The following FMNL3 variants were observed in gnomAD, a reference collection of about 807,000 sequenced individuals.
FMNL3 encodes formin like 3, also known as formin-like protein 3.
A neutral mutation model predicts 119.6 loss-of-function variants in FMNL3; 57 were observed. The ratio of observed to expected loss-of-function variants is 0.48; its 90% CI spans 0.39 to 0.59. FMNL3 has a LOEUF of 0.59. Ranked by LOEUF, FMNL3 falls within the 20% of genes least tolerant of loss-of-function variation. The probability of loss-of-function intolerance (pLI) is 0.00; values close to 1 mark genes in which losing one functional copy is unlikely to be tolerated. For missense variants in FMNL3, 1,053 were observed against 1,323.5 expected (o/e 0.80, Z 3.17); for synonymous variants, 491 against 507.3 (o/e 0.97, Z 0.43).
In FMNL3 at chr12:49,637,119, G is replaced by A; in HGVS notation, c.*8696C>T. The A allele has an allele frequency of 1.7e-6, 1 of 590,310 alleles. No individual in the cohort carries two copies. Among genetic ancestry groups the A allele is most frequent in the South Asian group, 2.2e-5 (1 of 46,080 alleles). 36.6% of individuals were successfully genotyped at this position (590,310 alleles called of 1,614,324 possible). On this transcript the variant is annotated 3_prime_UTR_variant, in exon 26 of 26. Transcript: ENST00000335154. ...AGGCATGACTTGGCAGCTAGGCCAT[G>A]TTTATTTCCCTTGGTGGGGCACCCG...
At chr12:49,694,212 G>A (rs1374802839) in intron 1 of FMNL3, among the ~76,000 whole-genome samples, 3 of 152,058 alleles carry the variant, frequency 2.0e-5, no homozygotes, top group African/African-American at 4.8e-5. Context: ...GAGCCACCAC[G>A]CCCAGCCTAT....
At chr12:49,706,192 G>A (rs908960563) in intron 1 of FMNL3, among the ~76,000 whole-genome samples, 1 of 152,084 alleles carries the variant, frequency 6.6e-6, no homozygotes, top group South Asian at 2.1e-4. Context: ...AGAACCTCTC[G>A]CTTCATAGAG....
intron 12 of FMNL3, 149 bp downstream of exon 12, chr12:49,653,576 G>C: frequency 8.6e-7 from 1 of 1,162,032 alleles, no homozygotes; most frequent in Non-Finnish European, 1.2e-6. Flanking sequence ...ATGATCCAGT[G>C]GCTCAGGCCT....
At chr12:49,671,859 G>A (rs989196844) in intron 1 of FMNL3, among the ~76,000 whole-genome samples, 3 of 152,174 alleles carry the variant, frequency 2.0e-5, no homozygotes, top group African/African-American at 7.2e-5. Context: ...GCAGAAAGGA[G>A]GCAGTGGCTG....
chr12:49,706,341 T>G (rs1275277613), intron 1 of FMNL3, among the ~76,000 whole-genome samples: 1 of 152,148 alleles, frequency 6.6e-6, no homozygotes, highest in East Asian at 1.9e-4. Flanking sequence ...TCACTATGGC[T>G]TAACGTGAAA....
chr12:49,685,113 A>G (rs1307533100), intron 1 of FMNL3, among the ~76,000 whole-genome samples: 10 of 152,222 alleles, frequency 6.6e-5, no homozygotes, highest in Non-Finnish European at 1.0e-4. Flanking sequence ...CCCAGAGTTC[A>G]ATAAAATCCC....
chr12:49,652,109 C>T lies in FMNL3; in HGVS notation c.1427G>A (p.Arg476Gln), dbSNP rs561304261. 4.7e-5 allele frequency: 76 copies of T among 1,612,984 alleles called. 1 individual carries two copies. The South Asian group carries it at 6.6e-4, about 14-fold the overall frequency. ...QRRCHLEPNVRGLESVDSEAL... is the reference protein window; with the variant it reads ...QRRCHLEPNVQGLESVDSEAL... ...CTCACTGTCCACAGACTCCAGGCCC[C>T]GGACATTTGGCTCCAAATGACATCG... The change falls in exon 14 of 26, where the codon CGG becomes CAG. Residue 476 changes from arginine to glutamine, a missense_variant. Physicochemically the swap from Arg to Gln is conservative, Grantham distance 43. This residue lies in a region of FMNL3 where 445 missense variants were observed against 628.4 expected (regional missense o/e 0.71). Transcript: ENST00000335154.
intron 1 of FMNL3, among the ~76,000 whole-genome samples, chr12:49,706,043 T>TAAGA: frequency 6.6e-6 from 1 of 152,234 alleles, no homozygotes; most frequent in East Asian, 1.9e-4. Context: ...TACTGCTTCT[T>TAAGA]AGAAAACTCT....
chr12:49,675,144 CCT>C (rs1674960011), intron 1 of FMNL3, among the ~76,000 whole-genome samples: 1 of 152,158 alleles, frequency 6.6e-6, no homozygotes, highest in East Asian at 1.9e-4. Context: ...TGCAGGTAAC[CCT>C]GAGGTCCCCA....
intron 12 of FMNL3, 59 bp downstream of exon 12, chr12:49,653,666 T>C: frequency 6.2e-7 from 1 of 1,603,764 alleles, no homozygotes; most frequent in African/African-American, 1.3e-5. Flanking sequence ...AGCTCAGGAT[T>C]CCTGGTTACT....
At chr12:49,681,428 A>T (rs1944331174) in intron 1 of FMNL3, among the ~76,000 whole-genome samples, 1 of 152,090 alleles carries the variant, frequency 6.6e-6, no homozygotes, top group African/African-American at 2.4e-5. Flanking sequence ...TGTCCTCATG[A>T]TCCACCCGCC....
At chr12:49,678,115 G>A (rs1286442664) in intron 1 of FMNL3, among the ~76,000 whole-genome samples, 1 of 151,746 alleles carries the variant, frequency 6.6e-6, no homozygotes, top group Non-Finnish European at 1.5e-5. Context: ...GCCTGACTCG[G>A]CCTCCCAAAG....
intron 6 of FMNL3, 82 bp downstream of exon 6, chr12:49,658,360 G>A: frequency 6.7e-7 from 1 of 1,488,650 alleles, no homozygotes; most frequent in Non-Finnish European, 8.9e-7. Flanking sequence ...GGAGGGAGGA[G>A]CATGAGCACT....
At chr12:49,697,566 C>T (rs1944784432) in intron 1 of FMNL3, among the ~76,000 whole-genome samples, 1 of 152,156 alleles carries the variant, frequency 6.6e-6, no homozygotes, top group South Asian at 2.1e-4. Context: ...CACTCCCAGT[C>T]AGTATGATAA....
At chr12:49,703,306 G>A (rs973932148) in intron 1 of FMNL3, among the ~76,000 whole-genome samples, 2 of 152,176 alleles carry the variant, frequency 1.3e-5, no homozygotes, top group African/African-American at 4.8e-5. Flanking sequence ...AACTGAGTTT[G>A]GGTAGTAATC....
At chr12:49,697,178 G>A (rs1293994347) in intron 1 of FMNL3, among the ~76,000 whole-genome samples, 1 of 152,178 alleles carries the variant, frequency 6.6e-6, no homozygotes, top group Non-Finnish European at 1.5e-5. Flanking sequence ...TGACCAGGGG[G>A]TGAGTGTAGT....
chr12:49,659,499 C>T (rs1943671745), intron 5 of FMNL3, among the ~76,000 whole-genome samples: 1 of 152,174 alleles, frequency 6.6e-6, no homozygotes, highest in Non-Finnish European at 1.5e-5. Context: ...TAACCTCTAA[C>T]TCCTGGGCTT....
chr12:49,662,001 C>G lies in FMNL3; in HGVS notation c.417G>C (p.Leu139=). The G allele has an allele frequency of 1.9e-6, 3 of 1,614,170 alleles. No individual in the cohort carries two copies. The highest frequency in any genetic ancestry group is 2.5e-6 in the Non-Finnish European group (3 of 1,180,028). ...LNDENKGLDV[L]VDYLSFAQCS... ...ACTGGGCAAAGGACAGGTAATCCAC[C>G]AGTACATCCAGGCCTTTGTTTTCAT... Residue 139 remains leucine (L), a synonymous_variant, in exon 5 of 26, where the codon CTG becomes CTC. Transcript: ENST00000335154.
At chr12:49,696,162 T>C (rs1299729802) in intron 1 of FMNL3, among the ~76,000 whole-genome samples, 2 of 152,224 alleles carry the variant, frequency 1.3e-5, no homozygotes, top group African/African-American at 4.8e-5. Context: ...AGTAATTGCA[T>C]ACAACCTACA....
Sources: allele counts gnomAD v4.1 joint callset (sites outside exome capture counted in the v4.1 genomes callset), GRCh38; gene constraint gnomAD v4.1.1; regional missense constraint gnomAD v4.1.1; transcripts MANE v1.5; gene names NCBI Gene and HGNC (gene_info 2026-07-23, HGNC 2026-07-21).